Variants in STAMBP observed in about 807,000 individuals in gnomAD.
STAMBP encodes STAM binding protein, also known as STAM-binding protein.
Under a neutral mutation model 50.7 loss-of-function variants are expected in STAMBP, and 31 were observed. That is an observed-to-expected ratio of 0.61 (90% CI 0.46 to 0.83). STAMBP has a LOEUF of 0.83. Among genes scored for constraint, STAMBP ranks in the 40% least tolerant of loss-of-function variants. The probability of loss-of-function intolerance (pLI) is 0.00; values close to 1 mark genes in which losing one functional copy is unlikely to be tolerated. For missense variants in STAMBP, 472 were observed against 518.9 expected (o/e 0.91, Z 0.88); for synonymous variants, 211 against 192.4 (o/e 1.10, Z -0.80).
At chr2:73,870,802 C>T (rs1306702293), downstream of STAMBP, among the ~76,000 whole-genome samples, 1 of 152,188 alleles carries the variant, frequency 6.6e-6, no homozygotes, top group East Asian at 1.9e-4. Context: ...ATGCCACCTG[C>T]AGCACCAGGC....
rs900568758 is a variant in STAMBP, at chr2:73,865,417, CAT to C, written c.*3159_*3160del. The C allele has an allele frequency of 7.2e-5, 11 of 152,214 alleles. No individual in the cohort carries two copies. Among genetic ancestry groups the C allele is most frequent in the Non-Finnish European group, 1.6e-4 (11 of 68,044 alleles). 9.4% of individuals were successfully genotyped at this position (152,214 alleles called of 1,614,324 possible). ...CCAGTTTGTCCAAGGATCTTTCAAA[CAT>C]GTGAGCCCAGAGTAGAACTTCTGAG... On this transcript the variant is annotated 3_prime_UTR_variant, in exon 10 of 10. Coordinates refer to ENST00000394070, the MANE Select transcript of STAMBP (RefSeq NM_213622.4).
chr2:73,832,108 T>TATATATATATATATATATACACACAC (rs1006072205), intron 2 of STAMBP, among the ~76,000 whole-genome samples: 5 of 122,896 alleles, frequency 4.1e-5, no homozygotes, highest in African/African-American at 1.8e-4. Flanking sequence ...TATATATATA[T>TATATATATATATATATATACACACAC]ACACATATAT....
At chr2:73,851,466 TC>T (rs1676794057) in intron 7 of STAMBP, among the ~76,000 whole-genome samples, 1 of 152,130 alleles carries the variant, frequency 6.6e-6, no homozygotes, top group Non-Finnish European at 1.5e-5. Context: ...ACTGTGGAAT[TC>T]AGAGGAAGGA....
chr2:73,859,526 A>G (rs1678028552), intron 8 of STAMBP, among the ~76,000 whole-genome samples, 160 bp downstream of exon 8: 1 of 152,174 alleles, frequency 6.6e-6, no homozygotes, highest in African/African-American at 2.4e-5. Flanking sequence ...GCCCCATATC[A>G]TGATTTATCT....
At position 73,864,598 on chromosome 2, in the gene STAMBP, A is replaced by G. The variant is rs11126418; in HGVS notation, c.*2339A>G. ...AAGGAATACTGTGGGTAAAAGGGAC[A>G]AAGACCACGCAACCTGAGGAAAGAC... On this transcript the variant is annotated 3_prime_UTR_variant, in exon 10 of 10. Transcript: ENST00000394070. 9,721 of 152,402 alleles carry G rather than the reference A, an allele frequency of 0.064. 370 individuals carry two copies. Among genetic ancestry groups the G allele is most frequent in the African/African-American group, 0.1 (4,312 of 41,518 alleles). 9.4% of individuals were successfully genotyped at this position (152,402 alleles called of 1,614,324 possible).
chr2:73,839,594 A>G (rs1389677187), intron 2 of STAMBP, among the ~76,000 whole-genome samples: 1 of 152,234 alleles, frequency 6.6e-6, no homozygotes, highest in African/African-American at 2.4e-5. Context: ...CATCCATGTT[A>G]AAGAACCTTT....
chr2:73,844,786 C>T (rs1247034728), intron 2 of STAMBP, 27 bp from the exon 3 acceptor site: 1 of 1,593,736 alleles, frequency 6.3e-7, no homozygotes, highest in East Asian at 2.2e-5. Context: ...CCATTTGCTT[C>T]ATAATCATTT....
At chr2:73,845,371 C>CT in intron 4 of STAMBP, 109 bp downstream of exon 4, 2 of 771,732 alleles carry the variant, frequency 2.6e-6, no homozygotes, top group Non-Finnish European at 2.1e-6. Flanking sequence ...GCTGTTTCAC[C>CT]TTTTTTGGGC....
chr2:73,864,031 A>G lies in STAMBP; in HGVS notation c.*1772A>G, dbSNP rs1678632567. 6.6e-6 allele frequency: 1 copy of G among 152,202 alleles called. No homozygotes were observed. Among genetic ancestry groups the G allele is most frequent in the Admixed American group, 6.5e-5 (1 of 15,276 alleles). The allele number at this position is 152,202 out of a possible 1,614,324, so 9.4% of individuals were successfully genotyped here. On this transcript the variant is annotated 3_prime_UTR_variant, in exon 10 of 10. Coordinates refer to ENST00000394070, the MANE Select transcript of STAMBP (RefSeq NM_213622.4). ...ACTTAAAGTTCTTACCCCTGGCTAT[A>G]TATTCAAATATCTAGGGAGCAATTT...
intron 2 of STAMBP, among the ~76,000 whole-genome samples, chr2:73,833,258 G>A (rs1310966659): frequency 6.6e-6 from 1 of 152,212 alleles, no homozygotes; most frequent in Non-Finnish European, 1.5e-5. Context: ...CTTATGTTAA[G>A]TTACAGTTTG....
chr2:73,835,207 A>C (rs1238974758), intron 2 of STAMBP, among the ~76,000 whole-genome samples: 1 of 152,164 alleles, frequency 6.6e-6, no homozygotes, highest in African/African-American at 2.4e-5. Flanking sequence ...TACAAAACTT[A>C]GCCGGGCGTG....
chr2:73,840,313 G>GTT (rs57827239), intron 2 of STAMBP, among the ~76,000 whole-genome samples: 11,433 of 115,390 alleles, frequency 0.099, 612 homozygotes, highest in Admixed American at 0.15. Context: ...TTAGGGGTTT[G>GTT]TTTTTTTTTT....
chr2:73,838,186 A>G (rs1674961483), intron 2 of STAMBP, among the ~76,000 whole-genome samples: 1 of 152,188 alleles, frequency 6.6e-6, no homozygotes, highest in Non-Finnish European at 1.5e-5. Context: ...TCTATAGGGG[A>G]CCAGAGAGTA....
rs970477600 is a variant in STAMBP at position 73,864,904 on chromosome 2, A to G, written c.*2645A>G. Reference sequence around the variant, plus strand: ...CAGAGCTGGGTTTTTTCAGATGATCACTTTCACATACTCCTTGTTAAATGG... The same window carrying G: ...CAGAGCTGGGTTTTTTCAGATGATCGCTTTCACATACTCCTTGTTAAATGG... On this transcript the variant is annotated 3_prime_UTR_variant, in exon 10 of 10. Transcript: ENST00000394070. 1 of 152,230 alleles carries G rather than the reference A, an allele frequency of 6.6e-6. No homozygotes were observed. The highest frequency in any genetic ancestry group is 1.5e-5 in the Non-Finnish European group (1 of 68,072). 9.4% of individuals were successfully genotyped at this position (152,230 alleles called of 1,614,324 possible).
chr2:73,859,974 G>A (rs1678127972), intron 8 of STAMBP, 78 bp from the exon 9 acceptor site: 3 of 968,154 alleles, frequency 3.1e-6, no homozygotes, highest in Non-Finnish European at 4.9e-6. Context: ...TGTGCATGCT[G>A]GTGTGTGTGT....
intron 2 of STAMBP, among the ~76,000 whole-genome samples, chr2:73,843,406 G>GTATATGTATA (rs1553380272): frequency 7.7e-6 from 1 of 129,962 alleles, no homozygotes; most frequent in African/African-American, 3.3e-5. Context: ...GTTTGTGTAT[G>GTATATGTATA]TATATATATA....
chr2:73,841,333 C>G (rs529372712), intron 2 of STAMBP, among the ~76,000 whole-genome samples: 7 of 152,080 alleles, frequency 4.6e-5, no homozygotes, highest in Non-Finnish European at 1.0e-4. Flanking sequence ...CTGGTGTTAG[C>G]ATCTTCATCT....
At chr2:73,861,592 C>T (rs184072932) in intron 9 of STAMBP, among the ~76,000 whole-genome samples, 26 of 152,056 alleles carry the variant, frequency 1.7e-4, no homozygotes, top group Non-Finnish European at 2.9e-5. Context: ...GATCTCAGCT[C>T]ACTGCAGCCT....
intron 2 of STAMBP, among the ~76,000 whole-genome samples, chr2:73,839,152 T>C (rs1675069489): frequency 6.6e-6 from 1 of 152,210 alleles, no homozygotes; most frequent in African/African-American, 2.4e-5. Flanking sequence ...TTAAAAGGCA[T>C]GTTTGTTCCT....
Sources: allele counts gnomAD v4.1 joint callset (sites outside exome capture counted in the v4.1 genomes callset), GRCh38; gene constraint gnomAD v4.1.1; transcripts MANE v1.5; gene names NCBI Gene and HGNC (gene_info 2026-07-23, HGNC 2026-07-21).